Variants in NUBPL observed in about 807,000 individuals in gnomAD.
NUBPL encodes NUBP iron-sulfur cluster assembly factor, mitochondrial, also known as iron-sulfur cluster transfer protein NUBPL.
Under a neutral mutation model 45.7 loss-of-function variants are expected in NUBPL, and 31 were observed. The ratio of observed to expected loss-of-function variants is 0.68; its 90% CI spans 0.51 to 0.92. NUBPL has a LOEUF of 0.92. Among genes scored for constraint, NUBPL ranks in the 40% least tolerant of loss-of-function variants. The pLI, the probability that NUBPL is intolerant of heterozygous loss-of-function variation, is 0.00. For missense variants in NUBPL, 401 were observed against 398.7 expected (o/e 1.01, Z -0.05); for synonymous variants, 144 against 140.9 (o/e 1.02, Z -0.15).
chr14:31,603,130 A>C (rs951909734), intron 4 of NUBPL, among the ~76,000 whole-genome samples: 2 of 151,854 alleles, frequency 1.3e-5, no homozygotes, highest in Non-Finnish European at 2.9e-5. Flanking sequence ...TGGGCAACAT[A>C]GTGAGACAAA....
intron 4 of NUBPL, among the ~76,000 whole-genome samples, chr14:31,619,926 A>G (rs1460004847): frequency 6.6e-6 from 1 of 152,042 alleles, no homozygotes. Flanking sequence ...CGCCAATCAC[A>G]TGTAGATTTG....
chr14:31,629,837 C>T (rs1236121177), intron 4 of NUBPL, among the ~76,000 whole-genome samples: 1 of 152,140 alleles, frequency 6.6e-6, no homozygotes, highest in East Asian at 1.9e-4. Context: ...TTTCCCTCTT[C>T]CTGTCATTCT....
rs185145008 is a variant in NUBPL, at chr14:31,738,502, A to G, written c.514-49278A>G. ...TTTATTATTTGGTACACTTCCAGGT[A>G]CTTTGAGAAACAGATTTAAATATTA... On this transcript the variant is annotated intron_variant, in intron 6 of 10. Coordinates refer to ENST00000281081, the MANE Select transcript of NUBPL (RefSeq NM_025152.3). Among the ~76,000 whole-genome samples the G allele has an allele frequency of 3.3e-3, 499 of 152,338 alleles. 6 individuals carry two copies. Among genetic ancestry groups the G allele is most frequent in the African/African-American group, 0.011 (461 of 41,580 alleles).
intron 7 of NUBPL, among the ~76,000 whole-genome samples, chr14:31,805,257 G>T (rs924093683): frequency 3.3e-5 from 5 of 151,834 alleles, no homozygotes; most frequent in Admixed American, 2.0e-4. Context: ...ATACAAAGTC[G>T]AAAAATAACA....
intron 8 of NUBPL, among the ~76,000 whole-genome samples, chr14:31,829,762 G>T (rs1349471759): frequency 6.6e-6 from 1 of 152,120 alleles, no homozygotes; most frequent in Non-Finnish European, 1.5e-5. Context: ...AGAACATATT[G>T]AAGTTAATTT....
chr14:31,789,123 G>A (rs542529254), intron 7 of NUBPL, among the ~76,000 whole-genome samples: 3 of 152,156 alleles, frequency 2.0e-5, no homozygotes, highest in South Asian at 4.1e-4. Flanking sequence ...TCAGGAGATC[G>A]AGACCATCCT....
intron 6 of NUBPL, among the ~76,000 whole-genome samples, chr14:31,702,201 T>C (rs1452136726): frequency 6.6e-6 from 1 of 152,222 alleles, no homozygotes; most frequent in Non-Finnish European, 1.5e-5. Flanking sequence ...CTGTTGTCTT[T>C]TCCCCTCAGA....
intron 2 of NUBPL, among the ~76,000 whole-genome samples, chr14:31,563,290 C>G: frequency 6.6e-6 from 1 of 152,070 alleles, no homozygotes; most frequent in Non-Finnish European, 1.5e-5. Context: ...GCCATAAGTT[C>G]TTTGCGTTTT....
At chr14:31,664,592 A>G (rs2036358938) in intron 4 of NUBPL, among the ~76,000 whole-genome samples, 1 of 152,170 alleles carries the variant, frequency 6.6e-6, no homozygotes, top group Non-Finnish European at 1.5e-5. Flanking sequence ...AGCCAACTTG[A>G]TCGTGGTGGA....
chr14:31,658,039 A>G (rs910478679), intron 4 of NUBPL, among the ~76,000 whole-genome samples: 8 of 152,236 alleles, frequency 5.3e-5, no homozygotes, highest in Admixed American at 3.9e-4. Flanking sequence ...AAAAAATTCA[A>G]CTACTGTTTA....
intron 6 of NUBPL, among the ~76,000 whole-genome samples, chr14:31,734,309 C>T (rs1460888302): frequency 6.6e-6 from 1 of 152,142 alleles, no homozygotes; most frequent in Non-Finnish European, 1.5e-5. Flanking sequence ...CCTTCATTCA[C>T]CCCAAGGATG....
chr14:31,733,352 G>A (rs60541176), intron 6 of NUBPL, among the ~76,000 whole-genome samples: 8,284 of 152,106 alleles, frequency 0.054, 645 homozygotes, highest in African/African-American at 0.18. Context: ...TATTTCCATA[G>A]CAATTTTAGA....
intron 6 of NUBPL, among the ~76,000 whole-genome samples, chr14:31,768,835 C>T (rs536657251): frequency 6.6e-6 from 1 of 152,228 alleles, no homozygotes; most frequent in Admixed American, 6.5e-5. Flanking sequence ...CAGAGAAACA[C>T]CAGGTGGTTG....
chr14:31,814,454 T>A (rs183570689), intron 7 of NUBPL, among the ~76,000 whole-genome samples: 1 of 152,324 alleles, frequency 6.6e-6, no homozygotes. Flanking sequence ...GATGGATAGA[T>A]TGCAAAAATT....
At chr14:31,767,880 G>A (rs1430428) in intron 6 of NUBPL, among the ~76,000 whole-genome samples, 44,906 of 151,970 alleles carry the variant, frequency 0.3, 7,491 homozygotes, top group South Asian at 0.41. Flanking sequence ...GTCTACATAC[G>A]TACATACATG....
chr14:31,795,137 T>G (rs1159962073), intron 7 of NUBPL, among the ~76,000 whole-genome samples: 1 of 149,740 alleles, frequency 6.7e-6, no homozygotes, highest in Non-Finnish European at 1.5e-5. Flanking sequence ...TACTGTAGCC[T>G]TGTAGTATAG....
At chr14:31,586,776 G>C (rs2034006534) in intron 3 of NUBPL, among the ~76,000 whole-genome samples, 1 of 152,130 alleles carries the variant, frequency 6.6e-6, no homozygotes, top group African/African-American at 2.4e-5. Flanking sequence ...TTGAAAAGGA[G>C]GGGTGGGTTA....
intron 6 of NUBPL, among the ~76,000 whole-genome samples, chr14:31,785,966 T>C (rs1366390469): frequency 6.6e-6 from 1 of 152,008 alleles, no homozygotes; most frequent in East Asian, 1.9e-4. Flanking sequence ...TAAGACCAGC[T>C]TGGCAACATG....
At chr14:31,703,986 G>A (rs909530486) in intron 6 of NUBPL, among the ~76,000 whole-genome samples, 29 of 152,166 alleles carry the variant, frequency 1.9e-4, no homozygotes, top group Admixed American at 1.0e-3. Flanking sequence ...CTGGGTCGGC[G>A]AGAAGAGCCC....
Sources: allele counts gnomAD v4.1 joint callset (sites outside exome capture counted in the v4.1 genomes callset), GRCh38; gene constraint gnomAD v4.1.1; transcripts MANE v1.5; gene names NCBI Gene and HGNC (gene_info 2026-07-23, HGNC 2026-07-21).